Variants in DLG2 observed in about 807,000 individuals in gnomAD.
DLG2 encodes the protein disks large homolog 2.
A neutral mutation model predicts 132.5 loss-of-function variants in DLG2; 45 were observed. The observed-to-expected ratio is 0.34, with a 90% confidence interval of 0.27 to 0.44. DLG2 has a LOEUF of 0.44. DLG2 is among the 20% of genes least tolerant of loss of function. The pLI is 1.00. For synonymous variants in DLG2, 424 were observed against 419.6 expected, an observed-to-expected ratio of 1.01 and a Z score of -0.13; for missense variants, 1,045 against 1,196.9, an observed-to-expected ratio of 0.87 and a Z score of 1.87.
chr11:84,389,937 A>T (rs1253881024), intron 7 of DLG2, among the ~76,000 whole-genome samples: 1 of 152,180 alleles, frequency 6.6e-6, no homozygotes, highest in Non-Finnish European at 1.5e-5. Flanking sequence ...AAAAATGCTA[A>T]CAACAGTTAT....
Position 83,541,690 on chromosome 11 carries a change from G to T in DLG2, c.2109C>A (p.Ser703Arg), listed in dbSNP as rs147623675. 1 of 1,602,626 alleles carries T rather than the reference G, an allele frequency of 6.2e-7. No individual in the cohort carries two copies. Among genetic ancestry groups the T allele is most frequent in the Non-Finnish European group, 8.5e-7 (1 of 1,174,814 alleles). The part of the protein sequence containing the change: ...GDSEEMGVIP[S>R]KRRVERKERA... ...ACAAAAGGCATTCTTACCTCCTTTT[G>T]CTGGGGATGACCCCCATCTCCTCAC... Residue 703 changes from serine (S) to arginine (R), a missense_variant, in exon 20 of 28, where the codon AGC becomes AGA. Transcript: ENST00000376104.
At chr11:85,420,062 T>C (rs2090168627) in intron 3 of DLG2, among the ~76,000 whole-genome samples, 1 of 152,262 alleles carries the variant, frequency 6.6e-6, no homozygotes, top group South Asian at 2.1e-4. Context: ...TTCCCCATTT[T>C]CATGGATTTA....
At chr11:83,857,181 T>C (rs1262289301) in intron 16 of DLG2, among the ~76,000 whole-genome samples, 1 of 152,212 alleles carries the variant, frequency 6.6e-6, no homozygotes, top group Non-Finnish European at 1.5e-5. Context: ...CATTGGTCTA[T>C]GTGTCTGTTT....
chr11:84,621,791 G>A (rs765691822), intron 6 of DLG2, among the ~76,000 whole-genome samples: 10 of 152,230 alleles, frequency 6.6e-5, no homozygotes, highest in African/African-American at 1.2e-4. Context: ...TAGGAATAGC[G>A]CAAGGGTAAG....
chr11:84,600,222 A>G lies in DLG2; in HGVS notation c.358-65491T>C, dbSNP rs902782321. Among the ~76,000 whole-genome samples the G allele has an allele frequency of 1.9e-3, 231 of 121,356 alleles. 2 individuals are homozygous for G. The highest frequency in any genetic ancestry group is 4.5e-3 in the African/African-American group (117 of 26,132). The allele number at this position is 121,356 out of a possible 152,430, so 79.6% of individuals were successfully genotyped here. Reference sequence around the variant, plus strand: ...AAAGAAAGAAAGAAAGAAAGAAAGAAAGAGAAAGAAAGACAGAAAAGCAAG... The same window carrying G: ...AAAGAAAGAAAGAAAGAAAGAAAGAGAGAGAAAGAAAGACAGAAAAGCAAG... On this transcript the variant is annotated intron_variant, in intron 6 of 27. Coordinates refer to ENST00000376104, the MANE Select transcript of DLG2 (RefSeq NM_001142699.3).
intron 21 of DLG2, among the ~76,000 whole-genome samples, chr11:83,495,927 T>C (rs1337635961): frequency 3.3e-5 from 5 of 152,112 alleles, no homozygotes; most frequent in Admixed American, 2.6e-4. Flanking sequence ...AGGCAAAGAT[T>C]TATGGATAGA....
intron 6 of DLG2, among the ~76,000 whole-genome samples, chr11:84,858,495 G>A (rs147850283): frequency 6.6e-6 from 1 of 152,176 alleles, no homozygotes; most frequent in African/African-American, 2.4e-5. Context: ...CCTTACCAGA[G>A]CTCTCTTCTT....
chr11:84,098,391 A>C (rs1389403995), intron 10 of DLG2, among the ~76,000 whole-genome samples: 1 of 151,946 alleles, frequency 6.6e-6, no homozygotes, highest in Non-Finnish European at 1.5e-5. Context: ...TCTGAGGGAC[A>C]ACTTGTTCTT....
At chr11:85,116,697 G>A (rs2073637530) in intron 5 of DLG2, among the ~76,000 whole-genome samples, 3 of 151,876 alleles carry the variant, frequency 2.0e-5, no homozygotes, top group Admixed American at 6.6e-5. Context: ...TGCACAAAAT[G>A]TTACATTGGA....
At chr11:83,700,762 C>T (rs2082784909) in intron 18 of DLG2, among the ~76,000 whole-genome samples, 1 of 151,966 alleles carries the variant, frequency 6.6e-6, no homozygotes, top group African/African-American at 2.4e-5. Context: ...GAATAAAATC[C>T]TTTATATAGT....
intron 7 of DLG2, among the ~76,000 whole-genome samples, chr11:84,420,820 C>T (rs904918244): frequency 2.0e-5 from 3 of 151,078 alleles, no homozygotes; most frequent in Admixed American, 6.6e-5. Flanking sequence ...AGGCGTGCGC[C>T]ACCACGCCCG....
chr11:84,926,584 G>T (rs76131670), intron 6 of DLG2, among the ~76,000 whole-genome samples: 1,693 of 152,028 alleles, frequency 0.011, 26 homozygotes, highest in African/African-American at 0.037. Flanking sequence ...GTAGGGAGAG[G>T]TGTGGGGTGT....
chr11:85,376,523 G>T (rs541832745), intron 3 of DLG2, among the ~76,000 whole-genome samples: 1 of 152,132 alleles, frequency 6.6e-6, no homozygotes, highest in South Asian at 2.1e-4. Flanking sequence ...GTCTTAATCT[G>T]GGCAAGAGAG....
At chr11:84,100,871 T>A (rs1287914248) in intron 9 of DLG2, among the ~76,000 whole-genome samples, 1 of 152,104 alleles carries the variant, frequency 6.6e-6, no homozygotes, top group Non-Finnish European at 1.5e-5. Context: ...TTTATAAAAC[T>A]GATTTCCAGA....
At chr11:83,844,953 A>C (rs529871109) in intron 16 of DLG2, among the ~76,000 whole-genome samples, 1 of 152,296 alleles carries the variant, frequency 6.6e-6, no homozygotes, top group South Asian at 2.1e-4. Flanking sequence ...GCAATGTGCT[A>C]GTTATAGCAC....
At chr11:83,825,701 C>T (rs75415371) in intron 17 of DLG2, among the ~76,000 whole-genome samples, 5,637 of 152,154 alleles carry the variant, frequency 0.037, 182 homozygotes, top group African/African-American at 0.082. Flanking sequence ...GCTGCTGCTC[C>T]GTCCCCACTC....
intron 3 of DLG2, among the ~76,000 whole-genome samples, chr11:85,355,262 T>C (rs1048984682): frequency 2.0e-5 from 3 of 152,194 alleles, no homozygotes; most frequent in African/African-American, 7.2e-5. Flanking sequence ...TGATTAGCAC[T>C]TTTATTGAAA....
chr11:84,541,974 T>C (rs1357459162), intron 6 of DLG2, among the ~76,000 whole-genome samples: 1 of 152,180 alleles, frequency 6.6e-6, no homozygotes, highest in Non-Finnish European at 1.5e-5. Flanking sequence ...CTGGTGCAAT[T>C]TGGAAGATGG....
intron 6 of DLG2, among the ~76,000 whole-genome samples, chr11:84,724,690 AG>A (rs2062206085): frequency 6.6e-6 from 1 of 152,214 alleles, no homozygotes. Context: ...GGCGAGATTA[AG>A]TAATGCCCAA....
Sources: allele counts gnomAD v4.1 joint callset (sites outside exome capture counted in the v4.1 genomes callset), GRCh38; gene constraint gnomAD v4.1.1; transcripts MANE v1.5; gene names NCBI Gene and HGNC (gene_info 2026-07-23, HGNC 2026-07-21).